Variants in ANKLE1 observed in about 807,000 individuals in gnomAD.
ANKLE1 encodes the protein structure-specific endonuclease ANKLE1.
In ANKLE1, 59 loss-of-function variants were observed where a neutral mutation model predicts 56.2. That is an observed-to-expected ratio of 1.05 (90% CI 0.85 to 1.30). The LOEUF (loss-of-function observed/expected upper bound fraction) is 1.30, where lower values mean the gene tolerates loss of function less well. Ranked by LOEUF, ANKLE1 falls within the 50% of genes most tolerant of loss-of-function variation. The pLI is 0.00. For synonymous variants in ANKLE1, 341 were observed against 352.9 expected (o/e 0.97, Z 0.38); for missense variants, 771 against 816.1 (o/e 0.94, Z 0.67).
At chr19:17,284,988 G>T (rs2074016111) in intron 6 of ANKLE1, among the ~76,000 whole-genome samples, 1 of 151,928 alleles carries the variant, frequency 6.6e-6, no homozygotes, top group Non-Finnish European at 1.5e-5. Flanking sequence ...GGCTGGCCAT[G>T]GTGGCTCACG....
chr19:17,284,677 C>G (rs2074012775), intron 6 of ANKLE1, among the ~76,000 whole-genome samples: 1 of 138,174 alleles, frequency 7.2e-6, no homozygotes, highest in South Asian at 2.3e-4. Flanking sequence ...AGCCACCGCA[C>G]CGGCCTCTTT....
rs759331866 is a variant in ANKLE1 at position 17,283,340 on chromosome 19, C to T, written c.576C>T (p.Ser192=). 5.0e-6 allele frequency: 8 copies of T among 1,613,458 alleles called. No individual in the cohort carries two copies. The East Asian group carries it at 6.7e-5, about 13-fold the overall frequency. The change falls in exon 5 of 9, where the codon AGC becomes AGT. Residue 192 remains serine, a synonymous_variant. Transcript: ENST00000404085. ...IGLEADPGPP[S]LPVPLETVDK... Reference sequence around the variant, plus strand: ...TGGAGGCTGACCCAGGACCCCCCAGCCTCCCTGTTCCCCTTGAAACTGTGG... The same window carrying T: ...TGGAGGCTGACCCAGGACCCCCCAGTCTCCCTGTTCCCCTTGAAACTGTGG...
At chr19:17,284,306 A>G in intron 6 of ANKLE1, 40 bp downstream of exon 6, 1 of 1,592,684 alleles carries the variant, frequency 6.3e-7, no homozygotes, top group South Asian at 1.1e-5. Context: ...GAAACTAGAA[A>G]ATTTGGGGAT....
In ANKLE1 at chr19:17,286,460, T is replaced by C. The variant is rs1446459822; in HGVS notation, c.1756T>C (p.Leu586=). The C allele has an allele frequency of 6.2e-7, 1 of 1,612,504 alleles. No individual in the cohort carries two copies. Among genetic ancestry groups the C allele is most frequent in the East Asian group, 2.2e-5 (1 of 44,880 alleles). ...CTGGCCACCTGCTCGTCGCCGGCGC[T>C]TGGGGGTGCACCTGCTGCACCGTGC... ...AGWPPARRRR[L]GVHLLHRALL... is the part of the protein sequence containing the mutation. Residue 586 remains leucine (L), a synonymous_variant, in exon 9 of 9, where the codon TTG becomes CTG. Coordinates refer to ENST00000404085, the MANE Select transcript of ANKLE1 (RefSeq NM_152363.6).
chr19:17,282,632 ACCC>A, intron 2 of ANKLE1, 21 bp from the exon 3 acceptor site: 5 of 1,530,252 alleles, frequency 3.3e-6, no homozygotes, highest in Non-Finnish European at 4.4e-6. Context: ...GTCCGCAATG[ACCC>A]CTCTTGCGCT....
intron 6 of ANKLE1, among the ~76,000 whole-genome samples, 199 bp downstream of exon 6, chr19:17,284,465 C>A (rs1315908597): frequency 5.9e-5 from 9 of 152,128 alleles, no homozygotes; most frequent in African/African-American, 2.2e-4. Flanking sequence ...CTCACTGCAA[C>A]CTCCACCTCC....
In ANKLE1 at chr19:17,283,363, T is replaced by G. The variant is rs758893524; in HGVS notation, c.599T>G (p.Val200Gly). The change falls in exon 5 of 9, where the codon GTG (valine) becomes GGG (glycine). Residue 200 changes from valine to glycine, a missense_variant. Val to Gly is a moderately radical substitution (Grantham distance 109). Transcript: ENST00000404085. The part of the protein sequence containing the change: ...PPSLPVPLET[V>G]DKHGSSASPP... ...AGCCTCCCTGTTCCCCTTGAAACTG[T>G]GGACAAACATGGGAGCTCGGCGTCC... The G allele has an allele frequency of 5.0e-6, 8 of 1,613,564 alleles. No individual in the cohort carries two copies. The highest frequency in any genetic ancestry group is 5.9e-6 in the Non-Finnish European group (7 of 1,179,886).
intron 6 of ANKLE1, 54 bp from the exon 7 acceptor site, chr19:17,285,377 C>T: frequency 6.2e-7 from 1 of 1,606,204 alleles, no homozygotes; most frequent in Admixed American, 1.7e-5. Flanking sequence ...TAAGGACTGC[C>T]TCTGGGGACC....
Position 17,283,678 on chromosome 19 carries a change from G to T in ANKLE1, c.914G>T (p.Ser305Ile). ...MPLLDRSPAH[S>I]PPRTPTPGAS... Reference sequence around the variant, plus strand: ...CTCCTGGACAGGAGTCCAGCTCATAGCCCCCCACGGACACCAACCCCTGGA... The same window carrying T: ...CTCCTGGACAGGAGTCCAGCTCATATCCCCCCACGGACACCAACCCCTGGA... The change falls in exon 5 of 9, where the codon AGC becomes ATC. Residue 305 changes from serine to isoleucine, a missense_variant. Ser to Ile is a moderately radical substitution (Grantham distance 142). Coordinates refer to ENST00000404085, the MANE Select transcript of ANKLE1 (RefSeq NM_152363.6). 1 of 1,613,442 alleles carries T rather than the reference G, an allele frequency of 6.2e-7. No individual in the cohort carries two copies. Among genetic ancestry groups the T allele is most frequent in the Non-Finnish European group, 8.5e-7 (1 of 1,179,846 alleles).
Position 17,286,644 on chromosome 19 carries a change from AGGG to A in ANKLE1, c.*94_*96del. 1 of 1,483,968 alleles carries A rather than the reference AGGG, an allele frequency of 6.7e-7. No homozygotes were observed. The highest frequency in any genetic ancestry group is 2.8e-5 in the East Asian group (1 of 35,186). The allele number at this position is 1,483,968 out of a possible 1,614,324, so 91.9% of individuals were successfully genotyped here. ...AGCAGCCCCCATCTCTGGTTTCAGA[AGGG>A]GTGTGTGTGTGTGTGTGTGTGTGTG... is the stretch of plus-strand genomic sequence containing the variant. On this transcript the variant is annotated 3_prime_UTR_variant, in exon 9 of 9. Coordinates refer to ENST00000404085, the MANE Select transcript of ANKLE1 (RefSeq NM_152363.6).
intron 3 of ANKLE1, 35 bp from the exon 4 acceptor site, chr19:17,282,829 G>T: frequency 6.3e-7 from 1 of 1,583,036 alleles, no homozygotes; most frequent in Admixed American, 1.7e-5. Flanking sequence ...AGGTAAGAGG[G>T]CCTCGGGCGC....
rs1189546033 is a variant in ANKLE1, at chr19:17,285,419, C to A, written c.1377-12C>A. On this transcript the variant is annotated splice_polypyrimidine_tract_variant and intron_variant, in intron 6 of 8. Coordinates refer to ENST00000404085, the MANE Select transcript of ANKLE1 (RefSeq NM_152363.6). The stretch of plus-strand genomic sequence containing the variant: ...TCCACTTTTCCCTGTCTGAGCTATC[C>A]CCTTCATCCAGGGAGACTCAGGACC... 11 of 1,613,238 alleles carry A rather than the reference C, an allele frequency of 6.8e-6. No homozygotes were observed. Among genetic ancestry groups the A allele is most frequent in the Non-Finnish European group, 9.3e-6 (11 of 1,179,880 alleles).
chr19:17,282,018 G>T, intron 1 of ANKLE1, 36 bp downstream of exon 1: 1 of 1,536,332 alleles, frequency 6.5e-7, no homozygotes, highest in Non-Finnish European at 8.7e-7. Context: ...AGGAGTGGGG[G>T]TCTTTGGCCG....
chr19:17,284,447 C>T (rs557449501), intron 6 of ANKLE1, among the ~76,000 whole-genome samples, 181 bp downstream of exon 6: 2 of 152,084 alleles, frequency 1.3e-5, no homozygotes, highest in South Asian at 2.1e-4. Context: ...ACAATGGTGC[C>T]GTCTCGGCTC....
chr19:17,285,404 CCTGT>C, intron 6 of ANKLE1, 23 bp from the exon 7 acceptor site: 1 of 1,612,548 alleles, frequency 6.2e-7, no homozygotes, highest in African/African-American at 1.3e-5. Flanking sequence ...TCCACTTTTC[CCTGT>C]CTGAGCTATC....
In ANKLE1 at chr19:17,282,043, C is replaced by T. The variant is rs952892231; in HGVS notation, c.63-14C>T. 5 of 1,537,852 alleles carry T rather than the reference C, an allele frequency of 3.3e-6. No homozygotes were observed. The highest frequency in any genetic ancestry group is 2.4e-5 in the South Asian group (2 of 84,034). ...GTCTTTGGCCGGGGTCCACTCTGACCGCGGTGTTTGCAGGGCAGTAGAGGA... is the reference window on the plus strand; with the variant it reads ...GTCTTTGGCCGGGGTCCACTCTGACTGCGGTGTTTGCAGGGCAGTAGAGGA... On this transcript the variant is annotated splice_polypyrimidine_tract_variant and intron_variant, in intron 1 of 8. Transcript: ENST00000404085.
chr19:17,286,640 C>T lies in ANKLE1; in HGVS notation c.*88C>T. 1 of 1,527,688 alleles carries T rather than the reference C, an allele frequency of 6.5e-7. No homozygotes were observed. The highest frequency in any genetic ancestry group is 2.5e-5 in the East Asian group (1 of 39,286). The allele number at this position is 1,527,688 out of a possible 1,614,324, so 94.6% of individuals were successfully genotyped here. A position where few individuals can be genotyped will look rare whatever the true frequency, so the allele number is the denominator to read the frequency against. On this transcript the variant is annotated 3_prime_UTR_variant, in exon 9 of 9. Transcript: ENST00000404085. ...TGACAGCAGCCCCCATCTCTGGTTTCAGAAGGGGTGTGTGTGTGTGTGTGT... is the reference window on the plus strand; with the variant it reads ...TGACAGCAGCCCCCATCTCTGGTTTTAGAAGGGGTGTGTGTGTGTGTGTGT...
At position 17,284,178 on chromosome 19, in the gene ANKLE1, G is replaced by A; in HGVS notation, c.1288G>A (p.Ala430Thr). The change falls in exon 6 of 9, where the codon GCC becomes ACC. Residue 430 changes from alanine (A) to threonine (T), a missense_variant. Ala to Thr is a moderately conservative substitution (Grantham distance 58). Transcript: ENST00000404085. ...TGTCCAGGCAGATGAAGACGCGCTG[G>A]CCCAGCAGTTTGAGCAGCCAGATCC... Reference protein sequence around the residue: ...PDVQADEDALAQQFEQPDPAR... With the variant: ...PDVQADEDALTQQFEQPDPAR... 6.2e-7 allele frequency: 1 copy of A among 1,613,862 alleles called. No individual in the cohort carries two copies. Among genetic ancestry groups the A allele is most frequent in the South Asian group, 1.1e-5 (1 of 91,086 alleles).
intron 8 of ANKLE1, 121 bp downstream of exon 8, chr19:17,285,940 T>G: frequency 7.3e-7 from 1 of 1,366,486 alleles, no homozygotes; most frequent in South Asian, 1.4e-5. Flanking sequence ...GCACCAACTT[T>G]GAACCTGCAC....
Sources: gnomAD v4.1 joint callset for allele counts (sites outside exome capture counted in the v4.1 genomes callset) on GRCh38, gnomAD v4.1.1 for gene constraint, MANE v1.5 for transcripts, NCBI Gene and HGNC (gene_info 2026-07-23, HGNC 2026-07-21) for gene names.